Variants in CMC4 observed in about 807,000 individuals in gnomAD.
The protein encoded by CMC4 is cx9C motif-containing protein 4.
CMC4 carries 4 observed loss-of-function variants against 5.1 expected under a neutral mutation model. The ratio of observed to expected loss-of-function variants is 0.78; its 90% CI spans 0.38 to 1.78. The LOEUF (loss-of-function observed/expected upper bound fraction) is 1.78, where lower values mean the gene tolerates loss of function less well. CMC4 is among the 40% of genes most tolerant of loss of function. The probability of loss-of-function intolerance (pLI) is 0.04; values close to 1 mark genes in which losing one functional copy is unlikely to be tolerated. For synonymous variants in CMC4, 23 were observed against 18.9 expected (o/e 1.22, Z -0.57); for missense variants, 52 against 51.3 (o/e 1.01, Z -0.04).
intron 1 of CMC4, chrX:155,065,475 G>T: frequency 8.3e-7 from 1 of 1,202,529 alleles, no homozygotes. Flanking sequence ...AGGAGAAATA[G>T]AAATACATAC....
chrX:155,065,348 T>C, intron 1 of CMC4: 1 of 589,294 alleles, frequency 1.7e-6, no homozygotes, highest in Non-Finnish European at 2.7e-6. Flanking sequence ...GATGAAGTGA[T>C]TGCCAAATAC....
At chrX:155,068,533 CAA>C (rs2073957468) in intron 1 of CMC4, among the ~76,000 whole-genome samples, 1 of 112,163 alleles carries the variant, frequency 8.9e-6, no homozygotes, top group Admixed American at 9.4e-5. Context: ...TGAGCATGAA[CAA>C]AGTCCTCAGC....
intron 1 of CMC4, among the ~76,000 whole-genome samples, chrX:155,067,471 C>A (rs919964259): frequency 1.8e-5 from 2 of 111,703 alleles, no homozygotes; most frequent in African/African-American, 6.5e-5. Context: ...GACCAACTTT[C>A]CCCAAATACC....
Position 155,071,104 on chromosome X carries a change from T to TGCCCAGGCGCCC in CMC4, c.-433_-422dup, listed in dbSNP as rs1557292444. On this transcript the variant is annotated 5_prime_UTR_variant, in exon 1 of 3. Transcript: ENST00000369484. ...TGGGCGCCGGTACTCGGGAGGCGCC[T>TGCCCAGGCGCCC]GCCCAGGCGCCCGGGCGCCGCTCAC... The TGCCCAGGCGCCC allele has an allele frequency of 2.7e-5, 3 of 110,682 alleles. No homozygotes were observed. Among genetic ancestry groups the TGCCCAGGCGCCC allele is most frequent in the African/African-American group, 9.8e-5 (3 of 30,690 alleles). 9.1% of individuals were successfully genotyped at this position (110,682 alleles called of 1,213,427 possible). A position where few individuals can be genotyped will look rare whatever the true frequency, so the allele number is the denominator to read the frequency against.
intron 1 of CMC4, chrX:155,066,059 TGCAGCACCCGC>T (rs1557291999): frequency 9.7e-7 from 1 of 1,033,899 alleles, no homozygotes. Context: ...CACCTAAGCC[TGCAGCACCCGC>T]GCACAGGACA....
Position 155,065,917 on chromosome X carries a change from C to T in CMC4, c.-10-1884G>A, listed in dbSNP as rs782472203. ...ATGTAAACAGTTACCTCTTCCACGA[C>T]GGCCACCCACGTGCGCTGGTATTCG... On this transcript the variant is annotated intron_variant, in intron 1 of 2. Coordinates refer to ENST00000369484, the MANE Select transcript of CMC4 (RefSeq NM_001018024.3). 3 of 1,208,857 alleles carry T rather than the reference C, an allele frequency of 2.5e-6. No homozygotes were observed. Among genetic ancestry groups the T allele is most frequent in the South Asian group, 1.8e-5 (1 of 56,798 alleles).
chrX:155,065,365 G>C lies in CMC4; in HGVS notation c.-10-1332C>G. 4.5e-6 allele frequency: 3 copies of C among 661,753 alleles called. No homozygotes were observed. In the South Asian group the frequency reaches 7.6e-5, roughly 17 times the overall value. The allele number at this position is 661,753 out of a possible 1,213,427, so 54.5% of individuals were successfully genotyped here. On this transcript the variant is annotated intron_variant, in intron 1 of 2. Coordinates refer to ENST00000369484, the MANE Select transcript of CMC4 (RefSeq NM_001018024.3). ...TGAAGTGATTGCCAAATACTGAACA[G>C]AACAAAGGAGCATATCTTCGTAGAA...
intron 1 of CMC4, among the ~76,000 whole-genome samples, chrX:155,070,209 A>T (rs781861059): frequency 3.6e-5 from 4 of 111,947 alleles, no homozygotes; most frequent in African/African-American, 6.5e-5. Context: ...AAGCATCAAC[A>T]CTTCAAGTAG....
chrX:155,065,419 A>C (rs2073944398), intron 1 of CMC4: 2 of 1,023,651 alleles, frequency 2.0e-6, no homozygotes, highest in African/African-American at 3.8e-5. Flanking sequence ...AAAATCATTA[A>C]AATCACCACA....
intron 1 of CMC4, among the ~76,000 whole-genome samples, chrX:155,066,254 T>C (rs1557292012): frequency 1.8e-5 from 2 of 112,568 alleles, no homozygotes; most frequent in African/African-American, 6.5e-5. Context: ...GAGCCTCAGG[T>C]AGTGCTGCTG....
intron 1 of CMC4, chrX:155,065,305 C>A: frequency 2.2e-6 from 1 of 462,934 alleles, no homozygotes. Context: ...ACTCCCTCCC[C>A]CCAGGCCCAA....
In CMC4 at chrX:155,067,884, G is replaced by A. The variant is rs1476834094; in HGVS notation, c.-11+2810C>T. ...GATTGGCTATGTATACGTGGGTAGA[G>A]ATTGATTCTCTAGGCATAAGCCTCT... On this transcript the variant is annotated intron_variant, in intron 1 of 2. Coordinates refer to ENST00000369484, the MANE Select transcript of CMC4 (RefSeq NM_001018024.3). Among the ~76,000 whole-genome samples, 52 of 112,051 alleles carry A rather than the reference G, an allele frequency of 4.6e-4. 1 individual carries two copies. The Admixed American group carries it at 4.9e-3, about 11-fold the overall frequency.
At chrX:155,065,335 G>A (rs1557291930) in intron 1 of CMC4, 1 of 528,332 alleles carries the variant, frequency 1.9e-6, no homozygotes, top group African/African-American at 2.4e-5. Context: ...CACTGCAGTA[G>A]TGGATGAAGT....
At chrX:155,069,627 G>A (rs1557292282) in intron 1 of CMC4, among the ~76,000 whole-genome samples, 1 of 111,871 alleles carries the variant, frequency 8.9e-6, no homozygotes, top group African/African-American at 3.3e-5. Flanking sequence ...AAGTTGTTGA[G>A]CTTGACTCCA....
chrX:155,065,329 G>A, intron 1 of CMC4: 1 of 512,008 alleles, frequency 2.0e-6, no homozygotes, highest in East Asian at 3.6e-5. Flanking sequence ...TGGGTGCACT[G>A]CAGTAGTGGA....
At chrX:155,067,508 G>C (rs1423844271) in intron 1 of CMC4, among the ~76,000 whole-genome samples, 1 of 111,785 alleles carries the variant, frequency 8.9e-6, no homozygotes, top group Admixed American at 9.5e-5. Flanking sequence ...CCATACCCTT[G>C]CTCTTGTTTT....
At chrX:155,069,161 C>T (rs1027578890) in intron 1 of CMC4, among the ~76,000 whole-genome samples, 3 of 112,941 alleles carry the variant, frequency 2.7e-5, no homozygotes, top group Non-Finnish European at 5.6e-5. Context: ...TTTTCCTTTA[C>T]AGAATAAATT....
chrX:155,062,739 C>T (rs2073933031), intron 2 of CMC4, among the ~76,000 whole-genome samples: 1 of 111,285 alleles, frequency 9.0e-6, no homozygotes, highest in Non-Finnish European at 1.9e-5. Flanking sequence ...GGTAACAGTC[C>T]AGATTTGGAG....
intron 1 of CMC4, among the ~76,000 whole-genome samples, chrX:155,066,930 G>A (rs1283352397): frequency 7.3e-4 from 82 of 111,949 alleles, no homozygotes; most frequent in East Asian, 5.6e-4. Context: ...ACTCTATAAC[G>A]ATCCTCTGCC....
Sources: gnomAD v4.1 joint callset for allele counts (sites outside exome capture counted in the v4.1 genomes callset) on GRCh38, gnomAD v4.1.1 for gene constraint, MANE v1.5 for transcripts, NCBI Gene and HGNC (gene_info 2026-07-23, HGNC 2026-07-21) for gene names.